The following TP63 variants were observed in gnomAD, a reference collection of about 807,000 sequenced individuals.
TP63 encodes tumor protein 63.
A neutral mutation model predicts 82.8 loss-of-function variants in TP63; 17 were observed. That is an observed-to-expected ratio of 0.21 (90% CI 0.14 to 0.31). TP63 has a LOEUF of 0.31. TP63 is among the 10% of genes least tolerant of loss of function. The pLI is 1.00. For missense variants in TP63, 648 were observed against 895.3 expected, an observed-to-expected ratio of 0.72 and a Z score of 3.52; for synonymous variants, 330 against 321.7, an observed-to-expected ratio of 1.03 and a Z score of -0.28.
intron 1 of TP63, among the ~76,000 whole-genome samples, chr3:189,660,138 C>T (rs1713740331): frequency 6.6e-6 from 1 of 152,008 alleles, no homozygotes; most frequent in Non-Finnish European, 1.5e-5. Context: ...AGGCTGATGT[C>T]CAGAAAGATG....
At chr3:189,768,587 A>G (rs999925494) in intron 3 of TP63, among the ~76,000 whole-genome samples, 15 of 152,166 alleles carry the variant, frequency 9.9e-5, no homozygotes, top group African/African-American at 3.6e-4. Flanking sequence ...TTATTAAACA[A>G]TTGCTTATTT....
At chr3:189,777,444 G>A (rs1435665972) in intron 3 of TP63, among the ~76,000 whole-genome samples, 2 of 152,006 alleles carry the variant, frequency 1.3e-5, no homozygotes, top group South Asian at 2.1e-4. Flanking sequence ...TGATCCACCC[G>A]CCTCCGTCTC....
At chr3:189,740,110 G>A (rs907201244) in intron 3 of TP63, among the ~76,000 whole-genome samples, 2 of 152,146 alleles carry the variant, frequency 1.3e-5, no homozygotes, top group Non-Finnish European at 2.9e-5. Context: ...TCACTAATTT[G>A]ATTAGAGAAA....
At chr3:189,696,137 C>A (rs972946119) in intron 1 of TP63, among the ~76,000 whole-genome samples, 3 of 152,080 alleles carry the variant, frequency 2.0e-5, no homozygotes, top group African/African-American at 4.8e-5. Context: ...TGTCATGTAT[C>A]CACCATGAAT....
At chr3:189,814,929 A>C (rs550881252) in intron 4 of TP63, among the ~76,000 whole-genome samples, 3 of 152,220 alleles carry the variant, frequency 2.0e-5, no homozygotes, top group African/African-American at 4.8e-5. Flanking sequence ...GATTTATTGC[A>C]TGTGAACATT....
At chr3:189,809,960 T>C (rs889211330) in intron 4 of TP63, among the ~76,000 whole-genome samples, 2 of 152,226 alleles carry the variant, frequency 1.3e-5, no homozygotes, top group Admixed American at 1.3e-4. Flanking sequence ...TCTCACTGGA[T>C]TGTATCCTTT....
At chr3:189,775,515 GTCTT>G (rs1370062037) in intron 3 of TP63, among the ~76,000 whole-genome samples, 1 of 151,998 alleles carries the variant, frequency 6.6e-6, no homozygotes, top group African/African-American at 2.4e-5. Context: ...ACTTAGTTTT[GTCTT>G]TCTATTTGAT....
intron 4 of TP63, among the ~76,000 whole-genome samples, chr3:189,842,806 G>A (rs1422511337): frequency 6.6e-6 from 1 of 152,168 alleles, no homozygotes; most frequent in African/African-American, 2.4e-5. Flanking sequence ...TAGGAAACAT[G>A]TAAGAGTAAG....
intron 4 of TP63, among the ~76,000 whole-genome samples, chr3:189,837,565 A>C (rs1200912420): frequency 6.7e-6 from 1 of 149,612 alleles, no homozygotes; most frequent in Non-Finnish European, 1.5e-5. Context: ...AAAACCAAGG[A>C]TGTCAGTTAA....
chr3:189,880,170 T>A lies in TP63; in HGVS notation c.1350-6224T>A, dbSNP rs1286970242. On this transcript the variant is annotated intron_variant, in intron 10 of 13. Transcript: ENST00000264731. ...TTCCAAGCCCCCAAACCGATCAGTG[T>A]ACCCATAGAGCCCTATCTCTATATT... 5 of 1,613,220 alleles carry A rather than the reference T, an allele frequency of 3.1e-6. No individual in the cohort carries two copies. The African/African-American group carries it at 6.7e-5, about 22-fold the overall frequency.
chr3:189,747,975 G>T (rs1469072436), intron 3 of TP63, among the ~76,000 whole-genome samples: 1 of 151,960 alleles, frequency 6.6e-6, no homozygotes, highest in Non-Finnish European at 1.5e-5. Flanking sequence ...CACGTTCCTG[G>T]ACATATTGCA....
At chr3:189,633,101 A>G (rs1034480634) in intron 1 of TP63, among the ~76,000 whole-genome samples, 1 of 152,130 alleles carries the variant, frequency 6.6e-6, no homozygotes, top group African/African-American at 2.4e-5. Context: ...AGAGAGGCCT[A>G]TAAATATAAA....
At chr3:189,627,327 G>C (rs1157456167), upstream of TP63, among the ~76,000 whole-genome samples, 1 of 152,084 alleles carries the variant, frequency 6.6e-6, no homozygotes, top group Non-Finnish European at 1.5e-5. Flanking sequence ...AAACAAACGA[G>C]AGATCCACAG....
At position 189,875,609 on chromosome 3, in the gene TP63, T is replaced by C. The variant is rs377180064; in HGVS notation, c.1349+2614T>C. 5.2e-4 allele frequency among the ~76,000 whole-genome samples: 33 copies of C among 62,988 alleles called. 2 individuals are homozygous for C. Among genetic ancestry groups the C allele is most frequent in the African/African-American group, 6.6e-4 (12 of 18,264 alleles). 41.3% of individuals were successfully genotyped at this position (62,988 alleles called of 152,430 possible). A position where few individuals can be genotyped will look rare whatever the true frequency, so the allele number is the denominator to read the frequency against. ...AAATACATACATATATATATATATA[T>C]ATATATATATATATATATATATATA... On this transcript the variant is annotated intron_variant, in intron 10 of 13. Coordinates refer to ENST00000264731, the MANE Select transcript of TP63 (RefSeq NM_003722.5).
At chr3:189,614,226 G>T in the TP63 span, among the ~76,000 whole-genome samples, 1 of 151,922 alleles carries the variant, frequency 6.6e-6, no homozygotes, top group Non-Finnish European at 1.5e-5. Context: ...GAATCATGGG[G>T]ACCAGTCTTT....
chr3:189,799,595 G>C (rs1224848857), intron 3 of TP63, among the ~76,000 whole-genome samples: 1 of 152,102 alleles, frequency 6.6e-6, no homozygotes, highest in Non-Finnish European at 1.5e-5. Flanking sequence ...AGCTAGGTGT[G>C]AGCTACCAAG....
chr3:189,663,886 A>G (rs1171431460), intron 1 of TP63, among the ~76,000 whole-genome samples: 2 of 152,062 alleles, frequency 1.3e-5, no homozygotes, highest in East Asian at 3.9e-4. Context: ...TCACTTACGC[A>G]TTTAGCAAAT....
chr3:189,696,744 A>G (rs1258841396), intron 1 of TP63, among the ~76,000 whole-genome samples: 1 of 152,152 alleles, frequency 6.6e-6, no homozygotes, highest in East Asian at 1.9e-4. Flanking sequence ...CCATTATAAT[A>G]AGTATATTGA....
chr3:189,880,647 T>C (rs1719812243), intron 10 of TP63: 1 of 985,594 alleles, frequency 1.0e-6, no homozygotes, highest in African/African-American at 1.7e-5. Context: ...AAGTTGTAGG[T>C]GACTGAGAGA....
Sources: gnomAD v4.1 joint callset for allele counts (sites outside exome capture counted in the v4.1 genomes callset) on GRCh38, gnomAD v4.1.1 for gene constraint, MANE v1.5 for transcripts, NCBI Gene and HGNC (gene_info 2026-07-23, HGNC 2026-07-21) for gene names.